HDLBP: variants seen among roughly 807,000 people sequenced by gnomAD.
HDLBP encodes vigilin.
In HDLBP, 30 loss-of-function variants were observed where a neutral mutation model predicts 137.3. The ratio of observed to expected loss-of-function variants is 0.22; its 90% confidence interval spans 0.16 to 0.30. The LOEUF is 0.30. HDLBP is among the 10% of genes least tolerant of loss of function. The probability of loss-of-function intolerance (pLI) is 1.00; values close to 1 mark genes in which losing one functional copy is unlikely to be tolerated. For synonymous variants in HDLBP, 606 were observed against 596.0 expected (o/e 1.02, Z -0.24); for missense variants, 1,119 against 1,667.3 (o/e 0.67, Z 5.73).
chr2:241,238,032 G>A lies in HDLBP; in HGVS notation c.2749+617C>T, dbSNP rs1361834872. Among the ~76,000 whole-genome samples, 3 of 152,216 alleles carry A rather than the reference G, an allele frequency of 2.0e-5. No individual in the cohort carries two copies. Among genetic ancestry groups the A allele is most frequent in the African/African-American group, 7.2e-5 (3 of 41,456 alleles). On this transcript the variant is annotated intron_variant, in intron 20 of 27. Coordinates refer to ENST00000310931, the MANE Select transcript of HDLBP (RefSeq NM_005336.6). This position sits in a 1 kb window ranked among gnomAD's most constrained non-coding sequence, Gnocchi z 4.9. ...CAGCTCAACCAAGACTGATAACACA[G>A]AGTGGAGGGCGGGCATCTGATAACA...
chr2:241,271,534 G>T (rs1199335368), intron 1 of HDLBP, among the ~76,000 whole-genome samples: 1 of 152,144 alleles, frequency 6.6e-6, no homozygotes, highest in African/African-American at 2.4e-5. Context: ...CACATGAGGG[G>T]TTCTACTTTT....
rs555628331 is a variant in HDLBP, at chr2:241,294,767, T to A, written c.-103+20803A>T. 4.5e-4 allele frequency among the ~76,000 whole-genome samples: 69 copies of A among 152,288 alleles called. 1 individual carries two copies. Among genetic ancestry groups the A allele is most frequent in the Non-Finnish European group, 7.2e-4 (49 of 68,024 alleles). On this transcript the variant is annotated intron_variant, in intron 1 of 27. Transcript: ENST00000310931. The stretch of plus-strand genomic sequence containing the variant: ...GACTAAGAATGGTCTGTTCTAGGGA[T>A]ACAGTTTTAAAATTAGAAAATATAT...
chr2:241,278,365 C>T (rs540179496), intron 1 of HDLBP, among the ~76,000 whole-genome samples: 1 of 152,326 alleles, frequency 6.6e-6, no homozygotes, highest in South Asian at 2.1e-4. Context: ...AGGCAGATAC[C>T]TGAGGTCAAG....
chr2:241,312,896 A>G (rs2075795556), intron 1 of HDLBP, among the ~76,000 whole-genome samples: 1 of 152,232 alleles, frequency 6.6e-6, no homozygotes, highest in African/African-American at 2.4e-5. Flanking sequence ...AGTATCTTAG[A>G]TAAAACTCAC....
intron 1 of HDLBP, among the ~76,000 whole-genome samples, chr2:241,277,975 AAAC>A (rs1559538833): frequency 6.6e-6 from 1 of 152,234 alleles, no homozygotes; most frequent in Non-Finnish European, 1.5e-5. Context: ...AAAAACCAAA[AAAC>A]AACAACAACA....
chr2:241,312,917 C>T (rs1252955955), intron 1 of HDLBP, among the ~76,000 whole-genome samples: 2 of 152,340 alleles, frequency 1.3e-5, no homozygotes, highest in East Asian at 1.9e-4. Flanking sequence ...TGAAGGGCAT[C>T]AAGTCCTTCA....
At position 241,272,825 on chromosome 2, in the gene HDLBP, A is replaced by G. The variant is rs1251571985; in HGVS notation, c.-102-4284T>C. 1 of 278,642 alleles carries G rather than the reference A, an allele frequency of 3.6e-6. No individual in the cohort carries two copies. Among genetic ancestry groups the G allele is most frequent in the African/African-American group, 2.3e-5 (1 of 42,732 alleles). The allele number at this position is 278,642 out of a possible 1,614,324, so 17.3% of individuals were successfully genotyped here. A position where few individuals can be genotyped will look rare whatever the true frequency, so the allele number is the denominator to read the frequency against. On this transcript the variant is annotated intron_variant, in intron 1 of 27. Transcript: ENST00000310931. This position sits in a 1 kb window ranked among gnomAD's most constrained non-coding sequence, Gnocchi z 5.6. ...CGCCCCCCGCGCGGGAGAAGCCGGGACGCTCCGAGGCGCGGCGCCCGGGCC... is the reference window on the plus strand; with the variant it reads ...CGCCCCCCGCGCGGGAGAAGCCGGGGCGCTCCGAGGCGCGGCGCCCGGGCC...
intron 20 of HDLBP, among the ~76,000 whole-genome samples, chr2:241,237,383 G>A (rs975308257): frequency 2.0e-5 from 3 of 152,188 alleles, no homozygotes; most frequent in Non-Finnish European, 2.9e-5. Flanking sequence ...GGGACACCGC[G>A]TGTGTACCAA....
chr2:241,236,761 T>C lies in HDLBP; in HGVS notation c.2758A>G (p.Thr920Ala). Reference protein sequence around the residue: ...PDREENAVHSTEPVVQENGDE... With the variant: ...PDREENAVHSAEPVVQENGDE... Reference sequence around the variant, plus strand: ...CCATTCTCCTGGACAACTGGCTCTGTACTGTGAACTAGAGAGAAAGGGGAA... The same window carrying C: ...CCATTCTCCTGGACAACTGGCTCTGCACTGTGAACTAGAGAGAAAGGGGAA... The change falls in exon 21 of 28, where the codon ACA (threonine) becomes GCA (alanine). Residue 920 changes from threonine to alanine, a missense_variant. Around this residue, in one of 4 missense-constraint regions of HDLBP, gnomAD observed 618 missense variants for 816.7 expected, o/e 0.76. Transcript: ENST00000310931. 1.2e-6 allele frequency: 2 copies of C among 1,614,042 alleles called. No homozygotes were observed. The highest frequency in any genetic ancestry group is 8.5e-7 in the Non-Finnish European group (1 of 1,179,972).
intron 1 of HDLBP, among the ~76,000 whole-genome samples, chr2:241,299,160 G>A (rs1559553752): frequency 2.0e-5 from 3 of 152,226 alleles, no homozygotes; most frequent in Non-Finnish European, 4.4e-5. Flanking sequence ...TACCTCCTCT[G>A]TAAATTCAGG....
chr2:241,300,950 C>CTATTATTATTATTAT (rs66491533), intron 1 of HDLBP, among the ~76,000 whole-genome samples: 5 of 143,910 alleles, frequency 3.5e-5, no homozygotes, highest in East Asian at 2.0e-4. Context: ...TGCACACATA[C>CTATTATTATTATTAT]TATTATTATT....
chr2:241,241,666 A>G (rs2071251070), intron 17 of HDLBP, among the ~76,000 whole-genome samples: 2 of 151,222 alleles, frequency 1.3e-5, no homozygotes, highest in African/African-American at 4.8e-5. Flanking sequence ...GTGAAGGTCA[A>G]CATACAAAAA....
At chr2:241,241,566 C>CAAAAAAAA (rs56864201) in intron 17 of HDLBP, among the ~76,000 whole-genome samples, 1 of 31,470 alleles carries the variant, frequency 3.2e-5, no homozygotes, top group African/African-American at 1.7e-4. Flanking sequence ...GACTCCGTCT[C>CAAAAAAAA]AAAAAAAAAA....
intron 14 of HDLBP, 80 bp from the exon 15 acceptor site, chr2:241,247,222 G>GC: frequency 2.3e-6 from 2 of 873,222 alleles, no homozygotes; most frequent in Non-Finnish European, 3.9e-6. Flanking sequence ...CCTAAGGGTA[G>GC]CATGAACACG....
intron 8 of HDLBP, 106 bp downstream of exon 8, chr2:241,255,268 A>AGGTGC: frequency 7.1e-7 from 1 of 1,408,766 alleles, no homozygotes. Context: ...AAACCTGGGC[A>AGGTGC]CCTGCACTGT....
Position 241,239,824 on chromosome 2 carries a change from C to T in HDLBP, c.2392-4G>A. ...TGGAGTCTTCCACCACATTATCCTG[C>T]AGTGTTAAGAAGAGATGGAAGATAA... On this transcript the variant is annotated splice_polypyrimidine_tract_variant and splice_region_variant and intron_variant, in intron 18 of 27. Coordinates refer to ENST00000310931, the MANE Select transcript of HDLBP (RefSeq NM_005336.6). This position sits in a 1 kb window ranked among gnomAD's most constrained non-coding sequence, Gnocchi z 4.6. The T allele has an allele frequency of 1.9e-6, 3 of 1,613,504 alleles. No homozygotes were observed. The South Asian group carries it at 3.3e-5, about 18-fold the overall frequency.
intron 1 of HDLBP, among the ~76,000 whole-genome samples, chr2:241,285,439 T>C (rs539209729): frequency 1.7e-4 from 26 of 152,290 alleles, no homozygotes; most frequent in African/African-American, 6.0e-4. Flanking sequence ...CACAAAGCAC[T>C]ATCACTGACC....
chr2:241,264,745 C>A, intron 3 of HDLBP, 140 bp from the exon 4 acceptor site: 1 of 798,426 alleles, frequency 1.3e-6, no homozygotes, highest in South Asian at 1.9e-5. Flanking sequence ...CCCCTCTCTT[C>A]TAATTCATAG....
rs1490116274 is a variant in HDLBP at position 241,233,804 on chromosome 2, C to T, written c.3288+16G>A. On this transcript the variant is annotated intron_variant, in intron 24 of 27. Transcript: ENST00000310931. This position sits in a 1 kb window ranked among gnomAD's most constrained non-coding sequence, Gnocchi z 4.3. ...AAGCACCTCTGCCCCCGACACGCTC[C>T]AACCGAGGCTCTCACCTGGTTCCCA... 3.7e-6 allele frequency: 6 copies of T among 1,613,920 alleles called. No homozygotes were observed. The highest frequency in any genetic ancestry group is 5.1e-6 in the Non-Finnish European group (6 of 1,180,026).
Sources: gnomAD v4.1 joint callset for allele counts (sites outside exome capture counted in the v4.1 genomes callset) on GRCh38, gnomAD v4.1.1 for gene constraint, gnomAD v4.1.1 regional missense constraint, Gnocchi (gnomAD v3.1) non-coding constraint, MANE v1.5 for transcripts, NCBI Gene and HGNC (gene_info 2026-07-23, HGNC 2026-07-21) for gene names.